Variants in PPP1R3F observed in about 807,000 individuals in gnomAD.
The protein encoded by PPP1R3F is protein phosphatase 1, regulatory (inhibitor) subunit 3F.
A neutral mutation model predicts 24.2 loss-of-function variants in PPP1R3F; 29 were observed. That is an observed-to-expected ratio of 1.20 (90% confidence interval 0.89 to 1.63). The LOEUF (loss-of-function observed/expected upper bound fraction) is 1.63. Ranked by LOEUF, PPP1R3F falls within the 40% of genes most tolerant of loss-of-function variation. The pLI, the probability that PPP1R3F is intolerant of heterozygous loss-of-function variation, is 0.00. For missense variants in PPP1R3F, 823 were observed against 729.3 expected, an observed-to-expected ratio of 1.13 and a Z score of -1.48; for synonymous variants, 363 against 340.1, an observed-to-expected ratio of 1.07 and a Z score of -0.74.
In PPP1R3F at chrX:49,270,194, G is replaced by T; in HGVS notation, c.325G>T (p.Ala109Ser). ...GCCCTCACCGCTGTGCCCCGTCCCC[G>T]CTGGCGGGGGGTTTTACCTGGTCCC... ...PEPSPLCPVP[A>S]GGGFYLVPTF... The change falls in exon 1 of 4, where the codon GCT (alanine) becomes TCT (serine). Residue 109 changes from alanine to serine, a missense_variant. Coordinates refer to ENST00000055335, the MANE Select transcript of PPP1R3F (RefSeq NM_033215.5). 1 of 1,093,801 alleles carries T rather than the reference G, an allele frequency of 9.1e-7. No individual in the cohort carries two copies. The highest frequency in any genetic ancestry group is 3.7e-5 in the Admixed American group (1 of 27,323). The allele number at this position is 1,093,801 out of a possible 1,213,427, so 90.1% of individuals were successfully genotyped here. A position where few individuals can be genotyped will look rare whatever the true frequency, so the allele number is the denominator to read the frequency against.
At position 49,285,986 on chromosome X, in the gene PPP1R3F, C is replaced by A; in HGVS notation, c.1296C>A (p.Asp432Glu). The A allele has an allele frequency of 8.3e-7, 1 of 1,198,462 alleles. No individual in the cohort carries two copies. Among genetic ancestry groups the A allele is most frequent in the South Asian group, 1.8e-5 (1 of 55,100 alleles). Residue 432 changes from aspartate to glutamate, a missense_variant, in exon 4 of 4, where the codon GAC (aspartate) becomes GAA (glutamate). Physicochemically the swap from Asp to Glu is conservative, Grantham distance 45 (BLOSUM62 2). Transcript: ENST00000055335. ...PLCGLGGSPRDQASGPDASEG... is the reference protein window; with the variant it reads ...PLCGLGGSPREQASGPDASEG... Reference sequence around the variant, plus strand: ...GTGGCCTGGGTGGCTCCCCCAGAGACCAGGCCTCAGGGCCCGATGCGAGCG... The same window carrying A: ...GTGGCCTGGGTGGCTCCCCCAGAGAACAGGCCTCAGGGCCCGATGCGAGCG...
At chrX:49,291,310 C>CTGTCTG (rs2066307836), downstream of PPP1R3F, among the ~76,000 whole-genome samples, 1 of 96,576 alleles carries the variant, frequency 1.0e-5, no homozygotes, top group Non-Finnish European at 2.1e-5. Flanking sequence ...CTCTCTCTCT[C>CTGTCTG]TCTCTCTCTC....
Position 49,270,142 on chromosome X carries a change from G to T in PPP1R3F, c.273G>T (p.Gly91=). ...ACGATGGCGAGGATGGGGATGAAGG[G>T]GAGGAGGAAGAGGAGGCTTGCCCCG... ...EDDDGEDGDE[G]EEEEEACPEP... is the part of the protein sequence containing the mutation. The change falls in exon 1 of 4, where the codon GGG becomes GGT. Residue 91 remains glycine, a synonymous_variant. Coordinates refer to ENST00000055335, the MANE Select transcript of PPP1R3F (RefSeq NM_033215.5). 1 of 1,076,169 alleles carries T rather than the reference G, an allele frequency of 9.3e-7. No homozygotes were observed. The highest frequency in any genetic ancestry group is 1.2e-6 in the Non-Finnish European group (1 of 834,381). The allele number at this position is 1,076,169 out of a possible 1,213,427, so 88.7% of individuals were successfully genotyped here.
intron 1 of PPP1R3F, among the ~76,000 whole-genome samples, chrX:49,280,595 G>C (rs1271434275): frequency 8.1e-5 from 8 of 98,342 alleles, no homozygotes; most frequent in Admixed American, 6.0e-4. Context: ...CCCTAGGCTG[G>C]AGTGCAATGG....
chrX:49,278,657 C>T (rs1340425798), intron 1 of PPP1R3F, among the ~76,000 whole-genome samples: 1 of 112,079 alleles, frequency 8.9e-6, no homozygotes, highest in Non-Finnish European at 1.9e-5. Context: ...ACTCTAGATC[C>T]GTATATATGG....
In PPP1R3F at chrX:49,270,418, C is replaced by T. The variant is rs1557118830; in HGVS notation, c.549C>T (p.Ala183=). The stretch of plus-strand genomic sequence containing the variant: ...TCGAGAAGGCGGTGCACGTGCGGGC[C>T]TCACACGACGGCTGGGCTTCCTTTT... The part of the protein sequence containing the change: ...RSFEKAVHVR[A]SHDGWASFCD... Residue 183 remains alanine, a synonymous_variant, in exon 1 of 4, where the codon GCC becomes GCT. Coordinates refer to ENST00000055335, the MANE Select transcript of PPP1R3F (RefSeq NM_033215.5). 3.4e-6 allele frequency: 4 copies of T among 1,184,299 alleles called. No homozygotes were observed. In the Admixed American group the frequency reaches 9.1e-5, roughly 27 times the overall value.
At chrX:49,280,310 G>T (rs1209311434) in intron 1 of PPP1R3F, among the ~76,000 whole-genome samples, 1 of 111,635 alleles carries the variant, frequency 9.0e-6, no homozygotes, top group African/African-American at 3.3e-5. Flanking sequence ...GTGCAGTGGT[G>T]TGATTTCGGC....
intron 3 of PPP1R3F, among the ~76,000 whole-genome samples, chrX:49,294,991 ATCT>A (rs2066319270): frequency 2.1e-5 from 2 of 94,041 alleles, no homozygotes; most frequent in Non-Finnish European, 4.2e-5. Context: ...TAAGAAAGTT[ATCT>A]TCTTGTTTGC....
intron 1 of PPP1R3F, among the ~76,000 whole-genome samples, chrX:49,279,252 A>C (rs1040057840): frequency 8.9e-6 from 1 of 111,926 alleles, no homozygotes; most frequent in Non-Finnish European, 1.9e-5. Flanking sequence ...AAACAAAAAC[A>C]AAAACCAAAA....
At chrX:49,289,063 T>A (rs1303950664), downstream of PPP1R3F, among the ~76,000 whole-genome samples, 1 of 111,142 alleles carries the variant, frequency 9.0e-6, no homozygotes, top group Non-Finnish European at 1.9e-5. Flanking sequence ...GGGGCAGAGG[T>A]TGCAGTGAGC....
At chrX:49,297,950 G>A (rs1470285537) in intron 3 of PPP1R3F, among the ~76,000 whole-genome samples, 1 of 102,782 alleles carries the variant, frequency 9.7e-6, no homozygotes, top group African/African-American at 3.6e-5. Context: ...ATAGCCCACC[G>A]ATGGGTCTTG....
chrX:49,288,095 ACAC>A (rs1302917478), downstream of PPP1R3F: 1 of 112,359 alleles, frequency 8.9e-6, no homozygotes, highest in Non-Finnish European at 1.9e-5. Flanking sequence ...ACAAAATAAA[ACAC>A]CACATATTTA....
downstream of PPP1R3F, among the ~76,000 whole-genome samples, chrX:49,292,251 G>C (rs1433201489): frequency 5.4e-5 from 6 of 111,702 alleles, no homozygotes; most frequent in African/African-American, 2.0e-4. Flanking sequence ...ACTGTTGTTC[G>C]GGGTCTTCTA....
intron 1 of PPP1R3F, among the ~76,000 whole-genome samples, chrX:49,271,824 C>G (rs781904958): frequency 8.9e-6 from 1 of 112,690 alleles, no homozygotes; most frequent in African/African-American, 3.2e-5. Flanking sequence ...AGTTTTTGTC[C>G]CTTGTTTTTT....
rs1048690192 is a variant in PPP1R3F, at chrX:49,299,027, C to T, written c.393-2324C>T. Among the ~76,000 whole-genome samples the T allele has an allele frequency of 4.5e-5, 5 of 110,716 alleles. No homozygotes were observed. The South Asian group carries it at 1.2e-3, about 26-fold the overall frequency. ...TCTGACAGTTCGTCAAACTCATTCT[C>T]GGTCCAGTTTTATTTCCTTGCTGGC... On this transcript the variant is annotated intron_variant, in intron 3 of 3. Transcript: ENST00000471261.
chrX:49,271,108 C>T (rs782772200), intron 1 of PPP1R3F, among the ~76,000 whole-genome samples: 6 of 111,997 alleles, frequency 5.4e-5, no homozygotes, highest in African/African-American at 1.9e-4. Context: ...CAGACATCTA[C>T]CCTACCCTCA....
At chrX:49,291,324 C>CTCTCTCTCTCTCTCTCTG (rs1557122358), downstream of PPP1R3F, among the ~76,000 whole-genome samples, 1 of 100,910 alleles carries the variant, frequency 9.9e-6, no homozygotes, top group Non-Finnish European at 2.0e-5. Context: ...CTCTCTCTCT[C>CTCTCTCTCTCTCTCTCTG]TCTGTCTCTC....
Position 49,281,436 on chromosome X carries a change from C to T in PPP1R3F, c.1035C>T (p.Asn345=). The T allele has an allele frequency of 8.3e-7, 1 of 1,208,937 alleles. No homozygotes were observed. The highest frequency in any genetic ancestry group is 1.1e-6 in the Non-Finnish European group (1 of 893,250). Residue 345 remains asparagine (N), a synonymous_variant, in exon 2 of 4, where the codon AAC becomes AAT. Coordinates refer to ENST00000055335, the MANE Select transcript of PPP1R3F (RefSeq NM_033215.5). ...CCGAGGAGGAACTGAAGACGAAGAA[C>T]ATGGATGATAACACCTTTGCCATGG... ...RPAEEELKTK[N]MDDNTFAMAE...
Position 49,287,296 on chromosome X carries a change from G to A in PPP1R3F, c.*206G>A. 2.4e-6 allele frequency: 1 copy of A among 423,181 alleles called. No individual in the cohort carries two copies. The highest frequency in any genetic ancestry group is 4.1e-6 in the Non-Finnish European group (1 of 246,729). 34.9% of individuals were successfully genotyped at this position (423,181 alleles called of 1,213,427 possible). Reference sequence around the variant, plus strand: ...GGTGTGAGTGAGGGGAACTTTTAGAGTGGAACTGGGCATGTCCTCCGCCTA... The same window carrying A: ...GGTGTGAGTGAGGGGAACTTTTAGAATGGAACTGGGCATGTCCTCCGCCTA... On this transcript the variant is annotated 3_prime_UTR_variant, in exon 4 of 4. Coordinates refer to ENST00000055335, the MANE Select transcript of PPP1R3F (RefSeq NM_033215.5).
Sources: gnomAD v4.1 joint callset for allele counts (sites outside exome capture counted in the v4.1 genomes callset) on GRCh38, gnomAD v4.1.1 for gene constraint, MANE v1.5 for transcripts, NCBI Gene and HGNC (gene_info 2026-07-23, HGNC 2026-07-21) for gene names.